PSAT1: variants seen among roughly 807,000 people sequenced by gnomAD.
PSAT1 encodes the protein phosphoserine aminotransferase 1.
Under a neutral mutation model 40.3 loss-of-function variants are expected in PSAT1, and 41 were observed. The observed-to-expected ratio is 1.02, with a 90% CI of 0.79 to 1.32. PSAT1 has a LOEUF of 1.32. PSAT1 is among the 40% of genes most tolerant of loss of function. The pLI is 0.00. For missense variants in PSAT1, 406 were observed against 455.8 expected, an observed-to-expected ratio of 0.89 and a Z score of 0.99; for synonymous variants, 147 against 170.5, an observed-to-expected ratio of 0.86 and a Z score of 1.07.
chr9:78,300,527 T>C, intron 1 of PSAT1, 75 bp from the exon 2 acceptor site: 1 of 1,527,168 alleles, frequency 6.5e-7, no homozygotes, highest in Non-Finnish European at 8.8e-7. Flanking sequence ...TGTCCCCTCG[T>C]CAGGTTTGTA....
At chr9:78,317,441 G>T (rs995733481) in intron 6 of PSAT1, among the ~76,000 whole-genome samples, 2 of 152,152 alleles carry the variant, frequency 1.3e-5, no homozygotes, top group African/African-American at 4.8e-5. Flanking sequence ...TTATGGAGAC[G>T]GGTCTTGCTA....
intron 7 of PSAT1, among the ~76,000 whole-genome samples, chr9:78,324,391 CT>C (rs1303424425): frequency 1.3e-5 from 2 of 152,142 alleles, no homozygotes; most frequent in Admixed American, 1.3e-4. Context: ...CCCACTTGGA[CT>C]TTCTCCTTAA....
At chr9:78,314,318 GTC>G (rs2118670448) in intron 6 of PSAT1, among the ~76,000 whole-genome samples, 1 of 126,078 alleles carries the variant, frequency 7.9e-6, no homozygotes, top group African/African-American at 3.0e-5. Context: ...GTTAAGTAGA[GTC>G]ACAGGGGCTA....
chr9:78,303,073 CTG>C (rs1387851942), intron 3 of PSAT1, among the ~76,000 whole-genome samples: 4 of 152,122 alleles, frequency 2.6e-5, no homozygotes, highest in African/African-American at 9.7e-5. Flanking sequence ...AGGAAAAACA[CTG>C]TAGCTCACAA....
At chr9:78,321,552 A>C (rs550584850) in intron 7 of PSAT1, among the ~76,000 whole-genome samples, 12 of 151,582 alleles carry the variant, frequency 7.9e-5, no homozygotes, top group Non-Finnish European at 1.6e-4. Flanking sequence ...CCCCACTTCC[A>C]TGCCCCCTGA....
chr9:78,298,266 A>G (rs2118614708), intron 1 of PSAT1: 1 of 984,562 alleles, frequency 1.0e-6, no homozygotes, highest in Non-Finnish European at 1.2e-6. Flanking sequence ...CCGCCGTTAG[A>G]TTTTTATTTT....
chr9:78,297,280 C>T lies in PSAT1; in HGVS notation c.60+10C>T, dbSNP rs756944709. ...CAAGCTGCCGCACTCAGTAAGTCCC[C>T]GCGAGCGGGCGCCGGGAGTGAGGTT... On this transcript the variant is annotated intron_variant, in intron 1 of 8. Transcript: ENST00000376588. 1.1e-5 allele frequency: 18 copies of T among 1,594,286 alleles called. No homozygotes were observed. The East Asian group carries it at 2.2e-4, about 20-fold the overall frequency.
intron 4 of PSAT1, among the ~76,000 whole-genome samples, chr9:78,305,979 C>G (rs1402784063): frequency 6.6e-6 from 1 of 152,194 alleles, no homozygotes; most frequent in Admixed American, 6.5e-5. Context: ...CACACTGTAG[C>G]CTCCAGCTCC....
At chr9:78,321,011 C>T (rs992313090) in intron 7 of PSAT1, among the ~76,000 whole-genome samples, 5 of 10,274 alleles carry the variant, frequency 4.9e-4, no homozygotes, top group Admixed American at 1.0e-3. Flanking sequence ...TCTCCTGAAT[C>T]CCCCCCCGCC....
rs1305396127 is a variant in PSAT1 at position 78,308,576 on chromosome 9, T to C, written c.733T>C (p.Cys245Arg). The C allele has an allele frequency of 1.2e-5, 20 of 1,613,954 alleles. No homozygotes were observed. In the Admixed American group the frequency reaches 3.2e-4, roughly 26 times the overall value. The part of the protein sequence containing the change: ...GNSSLYNTPP[C>R]FSIYVMGLVL... ...CAGCTCCTTGTACAACACGCCTCCATGTTTCAGGTAACTCTGGGAGTCAGT... is the reference window on the plus strand; with the variant it reads ...CAGCTCCTTGTACAACACGCCTCCACGTTTCAGGTAACTCTGGGAGTCAGT... Residue 245 changes from cysteine to arginine, a missense_variant, in exon 6 of 9, where the codon TGT becomes CGT. Coordinates refer to ENST00000376588, the MANE Select transcript of PSAT1 (RefSeq NM_058179.4).
At chr9:78,303,449 A>G (rs1471956447) in intron 3 of PSAT1, among the ~76,000 whole-genome samples, 2 of 152,132 alleles carry the variant, frequency 1.3e-5, no homozygotes, top group African/African-American at 4.8e-5. Flanking sequence ...ACTTCCTCTG[A>G]CTGGGGTCCC....
chr9:78,297,319 G>T, intron 1 of PSAT1, 49 bp downstream of exon 1: 1 of 1,556,540 alleles, frequency 6.4e-7, no homozygotes. Context: ...GCGGGAGCAC[G>T]CACGCGGGTG....
chr9:78,306,557 A>G (rs1828187508), intron 5 of PSAT1, 71 bp downstream of exon 5: 2 of 1,582,678 alleles, frequency 1.3e-6, no homozygotes, highest in African/African-American at 1.3e-5. Flanking sequence ...AATATATACA[A>G]GAGCGGGAAG....
At chr9:78,321,828 A>G (rs886829221) in intron 7 of PSAT1, among the ~76,000 whole-genome samples, 4 of 152,212 alleles carry the variant, frequency 2.6e-5, no homozygotes, top group South Asian at 2.1e-4. Flanking sequence ...TCTAAGCCAC[A>G]GTTTTCTCAT....
At chr9:78,309,777 G>T (rs1272090191) in intron 6 of PSAT1, among the ~76,000 whole-genome samples, 1 of 152,198 alleles carries the variant, frequency 6.6e-6, no homozygotes, top group East Asian at 1.9e-4. Flanking sequence ...CCTGCCTCAG[G>T]ATCCTATAAC....
chr9:78,308,435 G>A lies in PSAT1; in HGVS notation c.592G>A (p.Ala198Thr). 6.2e-7 allele frequency: 1 copy of A among 1,613,724 alleles called. No homozygotes were observed. Among genetic ancestry groups the A allele is most frequent in the African/African-American group, 1.3e-5 (1 of 75,032 alleles). The change falls in exon 6 of 9, where the codon GCC becomes ACC. Residue 198 changes from alanine to threonine, a missense_variant. Physicochemically the swap from Ala to Thr is moderately conservative, Grantham distance 58. Transcript: ENST00000376588. ...TAAGTTTGGTGTGATTTTTGCTGGT[G>A]CCCAGAAGAATGTTGGCTCTGCTGG... The part of the protein sequence containing the change: ...VSKFGVIFAG[A>T]QKNVGSAGVT...
chr9:78,315,957 T>G (rs1828337414), intron 6 of PSAT1, among the ~76,000 whole-genome samples: 1 of 152,192 alleles, frequency 6.6e-6, no homozygotes, highest in Non-Finnish European at 1.5e-5. Flanking sequence ...GGATCTTTGA[T>G]TCACACCTCT....
At chr9:78,312,689 TC>T (rs1313562792) in intron 6 of PSAT1, among the ~76,000 whole-genome samples, 4 of 151,746 alleles carry the variant, frequency 2.6e-5, no homozygotes, top group African/African-American at 9.7e-5. Context: ...AGAGCAAAAC[TC>T]CATCTCAAAA....
intron 4 of PSAT1, 77 bp from the exon 5 acceptor site, chr9:78,306,237 C>T: frequency 2.6e-6 from 4 of 1,518,670 alleles, no homozygotes; most frequent in Non-Finnish European, 3.7e-6. Flanking sequence ...GCCTGTCAGT[C>T]TCCTGGTTGA....
Sources: allele counts gnomAD v4.1 joint callset (sites outside exome capture counted in the v4.1 genomes callset), GRCh38; gene constraint gnomAD v4.1.1; transcripts MANE v1.5; gene names NCBI Gene and HGNC (gene_info 2026-07-23, HGNC 2026-07-21).